RPS6KA3: variants seen among roughly 807,000 people sequenced by gnomAD.
The protein encoded by RPS6KA3 is ribosomal protein S6 kinase A3, also known as ribosomal protein S6 kinase alpha-3.
RPS6KA3 carries 4 observed loss-of-function variants against 67.2 expected under a neutral mutation model. The ratio of observed to expected loss-of-function variants is 0.06; its 90% CI spans 0.03 to 0.14. RPS6KA3 has a LOEUF of 0.14. Ranked by LOEUF, RPS6KA3 falls within the 10% of genes least tolerant of loss-of-function variation. The pLI, the probability that RPS6KA3 is intolerant of heterozygous loss-of-function variation, is 1.00. For synonymous variants in RPS6KA3, 182 were observed against 183.7 expected (o/e 0.99, Z 0.07); for missense variants, 204 against 559.0 (o/e 0.36, Z 6.40).
chrX:20,186,395 T>A (rs762928193), intron 9 of RPS6KA3, 29 bp from the exon 10 acceptor site: 2 of 947,401 alleles, frequency 2.1e-6, no homozygotes, highest in Non-Finnish European at 3.0e-6. Flanking sequence ...ATCAGAAGTG[T>A]TAGTCAATAA....
chrX:20,256,172 C>CAAAAAAAAAAAAAAAAAA lies in RPS6KA3; in HGVS notation c.69+10374_69+10391dup, dbSNP rs35947983. Among the ~76,000 whole-genome samples, 3 of 14,471 alleles carry CAAAAAAAAAAAAAAAAAA rather than the reference C, an allele frequency of 2.1e-4. 1 individual carries two copies. Among genetic ancestry groups the CAAAAAAAAAAAAAAAAAA allele is most frequent in the African/African-American group, 7.0e-4 (3 of 4,290 alleles). The allele number at this position is 14,471 out of a possible 115,157, so 12.6% of individuals were successfully genotyped here. A position where few individuals can be genotyped will look rare whatever the true frequency, so the allele number is the denominator to read the frequency against. On this transcript the variant is annotated intron_variant, in intron 1 of 21. Coordinates refer to ENST00000379565, the MANE Select transcript of RPS6KA3 (RefSeq NM_004586.3). ...TGGGTGACAGAGTGAGACACCGTCT[C>CAAAAAAAAAAAAAAAAAA]AAAAAAAAAAAAAAAAAAAAAAAAA...
intron 1 of RPS6KA3, among the ~76,000 whole-genome samples, chrX:20,247,193 G>C (rs1009441996): frequency 1.8e-5 from 2 of 111,229 alleles, no homozygotes; most frequent in African/African-American, 6.6e-5. Flanking sequence ...CCAGCACTTT[G>C]GATAGGTGGA....
At chrX:20,242,044 G>C (rs1360038272) in intron 1 of RPS6KA3, among the ~76,000 whole-genome samples, 1 of 111,579 alleles carries the variant, frequency 9.0e-6, no homozygotes, top group Non-Finnish European at 1.9e-5. Flanking sequence ...CTAATATCTA[G>C]AAATAACTGA....
At chrX:20,260,443 A>T (rs1163971801) in intron 1 of RPS6KA3, among the ~76,000 whole-genome samples, 1 of 111,939 alleles carries the variant, frequency 8.9e-6, no homozygotes, top group East Asian at 2.8e-4. Flanking sequence ...CTTCTTCCAC[A>T]TATATTCTTC....
rs184463046 is a variant in RPS6KA3 at position 20,163,215 on chromosome X, T to G, written c.1765-175A>C. Reference sequence around the variant, plus strand: ...TTCTAGAACATTCTACTACTAATAATTCATAAATTTAATTTTGGTATTCAA... The same window carrying G: ...TTCTAGAACATTCTACTACTAATAAGTCATAAATTTAATTTTGGTATTCAA... On this transcript the variant is annotated intron_variant, in intron 18 of 21. Coordinates refer to ENST00000379565, the MANE Select transcript of RPS6KA3 (RefSeq NM_004586.3). Among the ~76,000 whole-genome samples, 110 of 112,192 alleles carry G rather than the reference T, an allele frequency of 9.8e-4. 1 individual carries two copies. Among genetic ancestry groups the G allele is most frequent in the Non-Finnish European group, 1.7e-3 (92 of 53,265 alleles).
rs752216077 is a variant in RPS6KA3, at chrX:20,208,423, G to A, written c.243+865C>T. ...CTACATGAAAAACACTGATAAAGATGTTGCATCTTCGGCCGGGCGTGGTTG... is the reference window on the plus strand; with the variant it reads ...CTACATGAAAAACACTGATAAAGATATTGCATCTTCGGCCGGGCGTGGTTG... On this transcript the variant is annotated intron_variant, in intron 3 of 21. Transcript: ENST00000379565. Among the ~76,000 whole-genome samples the A allele has an allele frequency of 1.3e-4, 14 of 111,730 alleles. 1 individual carries two copies. In the East Asian group the frequency reaches 3.9e-3, roughly 31 times the overall value.
chrX:20,197,937 C>G (rs1037180239), intron 4 of RPS6KA3, among the ~76,000 whole-genome samples: 1 of 111,480 alleles, frequency 9.0e-6, no homozygotes, highest in African/African-American at 3.3e-5. Flanking sequence ...TTGACTGAAC[C>G]TGAGAATGAA....
chrX:20,173,750 T>C (rs1569202289), intron 14 of RPS6KA3, among the ~76,000 whole-genome samples: 1 of 112,619 alleles, frequency 8.9e-6, no homozygotes, highest in Non-Finnish European at 1.9e-5. Flanking sequence ...TGAGCTCTGC[T>C]TAAAAACCAG....
At chrX:20,190,881 T>A (rs910976579) in intron 7 of RPS6KA3, among the ~76,000 whole-genome samples, 35 of 110,709 alleles carry the variant, frequency 3.2e-4, no homozygotes, top group South Asian at 1.1e-3. Flanking sequence ...TTTTTTTTTT[T>A]TTATTATGCT....
chrX:20,176,550 T>C (rs1422392205), intron 11 of RPS6KA3, 52 bp from the exon 12 acceptor site: 4 of 778,148 alleles, frequency 5.1e-6, no homozygotes, highest in Non-Finnish European at 7.8e-6. Flanking sequence ...AATATACATA[T>C]TGCTCAGCCT....
chrX:20,176,622 T>C (rs1223436670), intron 11 of RPS6KA3, 124 bp from the exon 12 acceptor site: 3 of 527,105 alleles, frequency 5.7e-6, no homozygotes, highest in Non-Finnish European at 9.6e-6. Flanking sequence ...GACAAGGGCT[T>C]GCTCTGTCAC....
chrX:20,262,051 C>T (rs2070245777), intron 1 of RPS6KA3, among the ~76,000 whole-genome samples: 1 of 111,966 alleles, frequency 8.9e-6, no homozygotes, highest in Admixed American at 9.5e-5. Flanking sequence ...AGCACTATCA[C>T]ACGCAGGCAT....
At chrX:20,236,430 G>A (rs1003258344) in intron 1 of RPS6KA3, among the ~76,000 whole-genome samples, 1 of 111,450 alleles carries the variant, frequency 9.0e-6, no homozygotes, top group Non-Finnish European at 1.9e-5. Flanking sequence ...GAAATAAAAG[G>A]CAGCCCACCT....
chrX:20,240,769 CA>C (rs1162411403), intron 1 of RPS6KA3: 2 of 110,895 alleles, frequency 1.8e-5, no homozygotes, highest in Non-Finnish European at 3.8e-5. Flanking sequence ...TGGTTAAAAT[CA>C]GGGCCTCAAA....
intron 2 of RPS6KA3, among the ~76,000 whole-genome samples, chrX:20,215,567 C>T (rs1299778897): frequency 9.0e-6 from 1 of 111,619 alleles, no homozygotes; most frequent in Non-Finnish European, 1.9e-5. Flanking sequence ...TGGAAAATTA[C>T]AGTAGTATAA....
intron 1 of RPS6KA3, among the ~76,000 whole-genome samples, chrX:20,249,164 C>T (rs2069790005): frequency 8.9e-6 from 1 of 111,811 alleles, no homozygotes; most frequent in Admixed American, 9.5e-5. Context: ...TTTTAGTTAG[C>T]GAGTAGTATT....
chrX:20,183,711 G>A lies in RPS6KA3; in HGVS notation c.845+2585C>T, dbSNP rs563898146. Among the ~76,000 whole-genome samples, 32 of 111,903 alleles carry A rather than the reference G, an allele frequency of 2.9e-4. No homozygotes were observed. The South Asian group carries it at 0.011, about 38-fold the overall frequency. On this transcript the variant is annotated intron_variant, in intron 10 of 21. Transcript: ENST00000379565. ...AGCAAGTCTTCCTATCTTGGTCTTC[G>A]AGAGTATTTTAGCTACTCTTTGTCC... is the stretch of plus-strand genomic sequence containing the variant.
At chrX:20,156,894 T>TG (rs2067199892) in intron 20 of RPS6KA3, among the ~76,000 whole-genome samples, 1 of 17,204 alleles carries the variant, frequency 5.8e-5, no homozygotes, top group Non-Finnish European at 8.9e-5. Flanking sequence ...CTGGTAATAC[T>TG]GAAAAAAAAA....
chrX:20,151,812 G>T lies in RPS6KA3; in HGVS notation c.*3586C>A, dbSNP rs983825871. 1 of 112,066 alleles carries T rather than the reference G, an allele frequency of 8.9e-6. No homozygotes were observed. Among genetic ancestry groups the T allele is most frequent in the Non-Finnish European group, 1.9e-5 (1 of 53,251 alleles). 9.2% of individuals were successfully genotyped at this position (112,066 alleles called of 1,213,427 possible). A position where few individuals can be genotyped will look rare whatever the true frequency, so the allele number is the denominator to read the frequency against. ...TGGTGATTAAGCGCATCCATAGCAA[G>T]GCCTGCAAATCTTGAATGCTTTTCT... On this transcript the variant is annotated 3_prime_UTR_variant, in exon 22 of 22. Coordinates refer to ENST00000379565, the MANE Select transcript of RPS6KA3 (RefSeq NM_004586.3).
Sources: allele counts gnomAD v4.1 joint callset (sites outside exome capture counted in the v4.1 genomes callset), GRCh38; gene constraint gnomAD v4.1.1; transcripts MANE v1.5; gene names NCBI Gene and HGNC (gene_info 2026-07-23, HGNC 2026-07-21).